Variants in GPATCH2 observed in about 807,000 individuals in gnomAD.
The protein encoded by GPATCH2 is G-patch domain containing 2.
In GPATCH2, 51 loss-of-function variants were observed where a neutral mutation model predicts 58.0. That is an observed-to-expected ratio of 0.88 (90% CI 0.70 to 1.11). GPATCH2 has a LOEUF of 1.11. GPATCH2 is among the 50% of genes most tolerant of loss of function. The pLI is 0.00. For missense variants in GPATCH2, 625 were observed against 652.2 expected, an observed-to-expected ratio of 0.96 and a Z score of 0.45; for synonymous variants, 222 against 218.5, an observed-to-expected ratio of 1.02 and a Z score of -0.14.
At chr1:217,436,581 C>T (rs1658844929) in intron 9 of GPATCH2, among the ~76,000 whole-genome samples, 1 of 152,110 alleles carries the variant, frequency 6.6e-6, no homozygotes, top group African/African-American at 2.4e-5. Context: ...ATATTAGGTT[C>T]TCTCAATTTG....
intron 8 of GPATCH2, among the ~76,000 whole-genome samples, chr1:217,490,899 C>T (rs11808269): frequency 0.1 from 15,747 of 152,094 alleles, 1,655 homozygotes; most frequent in African/African-American, 0.27. Flanking sequence ...TTTGCTTCTG[C>T]AGATACCCAG....
intron 6 of GPATCH2, among the ~76,000 whole-genome samples, chr1:217,506,013 G>T (rs1200894856): frequency 1.3e-5 from 2 of 152,126 alleles, no homozygotes; most frequent in African/African-American, 4.8e-5. Flanking sequence ...TAGAGACAAG[G>T]TTTCACCATG....
intron 5 of GPATCH2, among the ~76,000 whole-genome samples, chr1:217,596,321 T>C (rs1042592262): frequency 2.6e-5 from 4 of 152,164 alleles, no homozygotes; most frequent in Non-Finnish European, 5.9e-5. Context: ...TGGAAATATA[T>C]ATTTTACCCT....
At chr1:217,553,988 A>C (rs1665489853) in intron 5 of GPATCH2, among the ~76,000 whole-genome samples, 1 of 152,192 alleles carries the variant, frequency 6.6e-6, no homozygotes, top group South Asian at 2.1e-4. Context: ...CAAGCAAAAA[A>C]AATCCCATTT....
At chr1:217,598,046 C>G (rs998424912) in intron 5 of GPATCH2, among the ~76,000 whole-genome samples, 1 of 152,098 alleles carries the variant, frequency 6.6e-6, no homozygotes, top group African/African-American at 2.4e-5. Flanking sequence ...AATGTTGTTA[C>G]TTAAAGTTAC....
intron 5 of GPATCH2, among the ~76,000 whole-genome samples, chr1:217,523,883 G>A (rs1402385052): frequency 2.3e-4 from 34 of 146,716 alleles, no homozygotes; most frequent in Middle Eastern, 3.7e-3. Flanking sequence ...CGGATGGGGC[G>A]GCTGGCCGGG....
intron 5 of GPATCH2, chr1:217,608,214 T>C: frequency 3.3e-6 from 3 of 916,310 alleles, no homozygotes; most frequent in Non-Finnish European, 3.9e-6. Flanking sequence ...AGAGATTTTA[T>C]TGAAAAAAAA....
chr1:217,507,539 G>A (rs1662622319), intron 6 of GPATCH2, among the ~76,000 whole-genome samples: 1 of 152,020 alleles, frequency 6.6e-6, no homozygotes, highest in African/African-American at 2.4e-5. Flanking sequence ...TCTTCCTCAT[G>A]CATAAAATAA....
Position 217,438,481 on chromosome 1 carries a change from G to GA in GPATCH2, c.1367-7117dup, listed in dbSNP as rs576152678. Among the ~76,000 whole-genome samples the GA allele has an allele frequency of 1.0e-3, 158 of 151,916 alleles. 1 individual carries two copies. Among genetic ancestry groups the GA allele is most frequent in the African/African-American group, 3.5e-3 (144 of 41,470 alleles). On this transcript the variant is annotated intron_variant, in intron 9 of 9. Coordinates refer to ENST00000366935, the MANE Select transcript of GPATCH2 (RefSeq NM_018040.5). Reference sequence around the variant, plus strand: ...GCAGTGCAAGAAAGCTAACCACCTTGAAAAAAGGTAACTAGAATAACCAGT... The same window carrying GA: ...GCAGTGCAAGAAAGCTAACCACCTTGAAAAAAAGGTAACTAGAATAACCAGT...
At chr1:217,524,869 G>GC (rs1663765209) in intron 5 of GPATCH2, among the ~76,000 whole-genome samples, 2 of 4,396 alleles carry the variant, frequency 4.5e-4, no homozygotes, top group African/African-American at 1.1e-3. Flanking sequence ...AGAGGGGAGA[G>GC]GGGAGAGGGG....
chr1:217,567,999 C>T (rs1003465513), intron 5 of GPATCH2, among the ~76,000 whole-genome samples: 1 of 152,078 alleles, frequency 6.6e-6, no homozygotes, highest in Admixed American at 6.5e-5. Context: ...CGCCTGCAGT[C>T]CTAGCTACTC....
chr1:217,460,193 CTG>C (rs1273091814), intron 8 of GPATCH2, among the ~76,000 whole-genome samples: 8 of 152,132 alleles, frequency 5.3e-5, no homozygotes, highest in Non-Finnish European at 1.0e-4. Context: ...AAGTCCAGAA[CTG>C]TTACTTGTCA....
At chr1:217,483,317 T>C (rs1401607583) in intron 8 of GPATCH2, among the ~76,000 whole-genome samples, 1 of 152,112 alleles carries the variant, frequency 6.6e-6, no homozygotes, top group Non-Finnish European at 1.5e-5. Flanking sequence ...CCTGAGTAGA[T>C]GGGACTATAG....
At chr1:217,614,890 A>G (rs1298887127) in intron 2 of GPATCH2, among the ~76,000 whole-genome samples, 1 of 152,090 alleles carries the variant, frequency 6.6e-6, no homozygotes, top group Non-Finnish European at 1.5e-5. Flanking sequence ...AGATATTTGA[A>G]TAACATAAAC....
chr1:217,623,793 T>G (rs1669318340), intron 1 of GPATCH2, among the ~76,000 whole-genome samples: 1 of 151,826 alleles, frequency 6.6e-6, no homozygotes, highest in Admixed American at 6.6e-5. Flanking sequence ...TCCTAGCGAC[T>G]CGGGAGGCTG....
At chr1:217,502,063 T>C (rs1293203838) in intron 6 of GPATCH2, among the ~76,000 whole-genome samples, 3 of 152,032 alleles carry the variant, frequency 2.0e-5, no homozygotes, top group South Asian at 2.1e-4. Context: ...GTCTCTATTC[T>C]GTTACATTGA....
At chr1:217,480,104 A>G (rs34919320) in intron 8 of GPATCH2, among the ~76,000 whole-genome samples, 34,575 of 151,934 alleles carry the variant, frequency 0.23, 5,102 homozygotes, top group East Asian at 0.35. Flanking sequence ...GTAATACCCC[A>G]TGAGCAAAGG....
Position 217,552,492 on chromosome 1 carries a change from A to G in GPATCH2, c.1099-37603T>C, listed in dbSNP as rs1330275232. 2.6e-5 allele frequency among the ~76,000 whole-genome samples: 4 copies of G among 152,266 alleles called. No individual in the cohort carries two copies. The East Asian group carries it at 7.7e-4, about 29-fold the overall frequency. On this transcript the variant is annotated intron_variant, in intron 5 of 9. Coordinates refer to ENST00000366935, the MANE Select transcript of GPATCH2 (RefSeq NM_018040.5). ...AAAGTAGCCACAGGAGGGCAAAGGG[A>G]GAAGAGTCTATGTTCAACAGAGAAT...
intron 8 of GPATCH2, among the ~76,000 whole-genome samples, chr1:217,469,302 G>A (rs550640269): frequency 6.6e-6 from 1 of 152,152 alleles, no homozygotes; most frequent in Non-Finnish European, 1.5e-5. Flanking sequence ...TTGAATGCCA[G>A]AAAACATTTA....
Sources: allele counts gnomAD v4.1 joint callset (sites outside exome capture counted in the v4.1 genomes callset), GRCh38; gene constraint gnomAD v4.1.1; transcripts MANE v1.5; gene names NCBI Gene and HGNC (gene_info 2026-07-23, HGNC 2026-07-21).